CHST11: variants seen among roughly 807,000 people sequenced by gnomAD.
CHST11 encodes the protein carbohydrate sulfotransferase 11, also known as C4S-1.
Under a neutral mutation model 30.4 loss-of-function variants are expected in CHST11, and 9 were observed. The observed-to-expected ratio is 0.30, with a 90% CI of 0.18 to 0.52. CHST11 has a LOEUF of 0.52. CHST11 is among the 20% of genes least tolerant of loss of function. CHST11 has a pLI of 0.97. For synonymous variants in CHST11, 152 were observed against 187.8 expected (o/e 0.81, Z 1.56); for missense variants, 348 against 460.6 (o/e 0.76, Z 2.24).
At chr12:104,677,541 T>C (rs2039753890) in intron 2 of CHST11, among the ~76,000 whole-genome samples, 1 of 152,234 alleles carries the variant, frequency 6.6e-6, no homozygotes, top group Non-Finnish European at 1.5e-5. Flanking sequence ...AGAGCCTAAA[T>C]AGCAACTCTG....
At chr12:104,659,007 G>A (rs7962537) in intron 2 of CHST11, among the ~76,000 whole-genome samples, 80,655 of 152,154 alleles carry the variant, frequency 0.53, 22,244 homozygotes, top group African/African-American at 0.67. Flanking sequence ...CACTTAATAG[G>A]CGTAATATTC....
At chr12:104,694,368 ATTCCTCT>A (rs1430346571) in intron 2 of CHST11, among the ~76,000 whole-genome samples, 2 of 152,114 alleles carry the variant, frequency 1.3e-5, no homozygotes, top group Non-Finnish European at 2.9e-5. Flanking sequence ...CTGCCTTCTC[ATTCCTCT>A]TACTCAGCAT....
intron 1 of CHST11, among the ~76,000 whole-genome samples, chr12:104,595,657 G>T (rs540926324): frequency 6.6e-6 from 1 of 152,346 alleles, no homozygotes; most frequent in East Asian, 1.9e-4. Flanking sequence ...CTGGGATCCA[G>T]CTCTGTGGCT....
At chr12:104,632,598 C>T (rs893878008) in intron 2 of CHST11, among the ~76,000 whole-genome samples, 5 of 152,218 alleles carry the variant, frequency 3.3e-5, no homozygotes, top group African/African-American at 1.2e-4. Context: ...AGGAGGGAAC[C>T]TCCTGAAATC....
rs551932014 is a variant in CHST11, at chr12:104,615,012, G to C, written c.204+13021G>C. ...ACTTCTAGAAAAGTCAACAGCCCCTGTATCTCTAGCTGATCCTCTGTTGTT... is the reference window on the plus strand; with the variant it reads ...ACTTCTAGAAAAGTCAACAGCCCCTCTATCTCTAGCTGATCCTCTGTTGTT... On this transcript the variant is annotated intron_variant, in intron 2 of 2. Coordinates refer to ENST00000303694, the MANE Select transcript of CHST11 (RefSeq NM_018413.6). Among the ~76,000 whole-genome samples, 72 of 152,288 alleles carry C rather than the reference G, an allele frequency of 4.7e-4. 1 individual carries two copies. Among genetic ancestry groups the C allele is most frequent in the African/African-American group, 1.6e-3 (68 of 41,544 alleles).
chr12:104,521,023 T>C lies in CHST11; in HGVS notation c.118+63494T>C, dbSNP rs189470446. 7.3e-3 allele frequency among the ~76,000 whole-genome samples: 1,111 copies of C among 152,280 alleles called. 17 individuals are homozygous for C. The highest frequency in any genetic ancestry group is 0.025 in the African/African-American group (1,059 of 41,556). On this transcript the variant is annotated intron_variant, in intron 1 of 2. Transcript: ENST00000303694. ...GCACTTAATTAGACATGTCTTTTTT[T>C]CCCCAGCTGCCCTAATTAAATAGTA... is the stretch of plus-strand genomic sequence containing the variant.
intron 2 of CHST11, among the ~76,000 whole-genome samples, chr12:104,661,465 C>T (rs1167860313): frequency 6.6e-6 from 1 of 152,108 alleles, no homozygotes; most frequent in Non-Finnish European, 1.5e-5. Flanking sequence ...GTCCCAGCAG[C>T]TTGGGAGGCC....
At chr12:104,491,682 T>C (rs10778337) in intron 1 of CHST11, among the ~76,000 whole-genome samples, 43,021 of 151,952 alleles carry the variant, frequency 0.28, 6,999 homozygotes, top group East Asian at 0.5. Context: ...CTTGCTATGT[T>C]CCCAGGCTAG....
At chr12:104,709,762 A>T (rs543114803) in intron 2 of CHST11, among the ~76,000 whole-genome samples, 2 of 152,244 alleles carry the variant, frequency 1.3e-5, no homozygotes, top group South Asian at 4.2e-4. Flanking sequence ...GGGTAGGGGG[A>T]TGGGGACAGA....
chr12:104,661,186 A>G (rs1341021595), intron 2 of CHST11, among the ~76,000 whole-genome samples: 3 of 152,226 alleles, frequency 2.0e-5, no homozygotes, highest in Non-Finnish European at 4.4e-5. Flanking sequence ...CGGAAGGAGT[A>G]GCTCTTGCCT....
chr12:104,636,022 G>A (rs922756735), intron 2 of CHST11, among the ~76,000 whole-genome samples: 2 of 152,170 alleles, frequency 1.3e-5, no homozygotes, highest in Non-Finnish European at 2.9e-5. Context: ...TTTACAGAGT[G>A]TATATTATGT....
Position 104,561,245 on chromosome 12 carries a change from C to T in CHST11, c.119-40661C>T, listed in dbSNP as rs150793446. 1.2e-4 allele frequency among the ~76,000 whole-genome samples: 18 copies of T among 152,278 alleles called. No homozygotes were observed. In the East Asian group the frequency reaches 1.7e-3, roughly 15 times the overall value. On this transcript the variant is annotated intron_variant, in intron 1 of 2. Coordinates refer to ENST00000303694, the MANE Select transcript of CHST11 (RefSeq NM_018413.6). ...ACAGTCCTGACATGGCCTGATGTGG[C>T]GACGCCATGGCATCAGAAGCCCAGA...
chr12:104,577,234 A>ATTTTTTTTTTTT (rs34967812), intron 1 of CHST11, among the ~76,000 whole-genome samples: 1 of 74,218 alleles, frequency 1.3e-5, no homozygotes, highest in African/African-American at 6.0e-5. Context: ...GCAGCCCTTC[A>ATTTTTTTTTTTT]TTTTTTTTTT....
chr12:104,713,041 C>T (rs1482687702), intron 2 of CHST11, among the ~76,000 whole-genome samples: 2 of 151,870 alleles, frequency 1.3e-5, no homozygotes, highest in Non-Finnish European at 2.9e-5. Context: ...ACCCCTAATT[C>T]ATGCGGCTTG....
chr12:104,523,485 T>G (rs1373789462), intron 1 of CHST11, among the ~76,000 whole-genome samples: 1 of 152,112 alleles, frequency 6.6e-6, no homozygotes, highest in Non-Finnish European at 1.5e-5. Context: ...GAGAAATATA[T>G]CAGAGAAAGA....
chr12:104,533,173 A>T (rs951365524), intron 1 of CHST11, among the ~76,000 whole-genome samples: 4 of 152,220 alleles, frequency 2.6e-5, no homozygotes, highest in Admixed American at 2.0e-4. Context: ...GGTATTTTGA[A>T]CCCACCTCCA....
chr12:104,628,375 A>G (rs7961656), intron 2 of CHST11, among the ~76,000 whole-genome samples: 11,032 of 152,190 alleles, frequency 0.072, 940 homozygotes, highest in African/African-American at 0.2. Context: ...TTTACATTCA[A>G]GAGAAGAAAA....
rs138507511 is a variant in CHST11, at chr12:104,526,992, T to C, written c.118+69463T>C. Among the ~76,000 whole-genome samples the C allele has an allele frequency of 1.3e-3, 191 of 152,294 alleles. 4 individuals carry two copies. The East Asian group carries it at 0.033, about 26-fold the overall frequency. On this transcript the variant is annotated intron_variant, in intron 1 of 2. Coordinates refer to ENST00000303694, the MANE Select transcript of CHST11 (RefSeq NM_018413.6). ...CTCTAGCCTCCCCTCCCAAATTCCA[T>C]TCTCCTCAGCACCACACGGCACTCT...
At chr12:104,678,912 C>G (rs1163079053) in intron 2 of CHST11, among the ~76,000 whole-genome samples, 1 of 152,268 alleles carries the variant, frequency 6.6e-6, no homozygotes, top group South Asian at 2.1e-4. Flanking sequence ...GGTAAAGTCA[C>G]GTACTCTAGC....
Sources: allele counts gnomAD v4.1 joint callset (sites outside exome capture counted in the v4.1 genomes callset), GRCh38; gene constraint gnomAD v4.1.1; transcripts MANE v1.5; gene names NCBI Gene and HGNC (gene_info 2026-07-23, HGNC 2026-07-21).